MAP4K4: variants seen among roughly 807,000 people sequenced by gnomAD.
MAP4K4 encodes the protein mitogen-activated protein kinase kinase kinase kinase 4, also known as HPK/GCK-like kinase HGK.
A neutral mutation model predicts 189.6 loss-of-function variants in MAP4K4; 38 were observed. That is an observed-to-expected ratio of 0.20 (90% CI 0.15 to 0.26). The LOEUF (loss-of-function observed/expected upper bound fraction) is 0.26, where lower values mean the gene tolerates loss of function less well. Ranked by LOEUF, MAP4K4 falls within the 10% of genes least tolerant of loss-of-function variation. The pLI is 1.00. For missense variants in MAP4K4, 1,054 were observed against 1,726.9 expected (o/e 0.61, Z 6.91); for synonymous variants, 610 against 624.3 (o/e 0.98, Z 0.34).
intron 2 of MAP4K4, among the ~76,000 whole-genome samples, chr2:101,736,108 G>A (rs991735940): frequency 6.6e-6 from 1 of 152,212 alleles, no homozygotes; most frequent in Non-Finnish European, 1.5e-5. Flanking sequence ...GCTGCAGTCA[G>A]AATTGCTTCC....
At chr2:101,822,572 AATG>A (rs778138054) in intron 3 of MAP4K4, among the ~76,000 whole-genome samples, 16 of 152,236 alleles carry the variant, frequency 1.1e-4, no homozygotes, top group Non-Finnish European at 1.9e-4. Flanking sequence ...ATATCTAATT[AATG>A]ATGTTGCAGC....
At chr2:101,832,590 G>A (rs1254777837) in intron 7 of MAP4K4, among the ~76,000 whole-genome samples, 1 of 152,038 alleles carries the variant, frequency 6.6e-6, no homozygotes, top group Non-Finnish European at 1.5e-5. Context: ...ATAGATAACC[G>A]ACTTTGTGAC....
Position 101,891,154 on chromosome 2 carries a change from T to C in MAP4K4, c.4072-12T>C, listed in dbSNP as rs965550659. 50 of 1,611,584 alleles carry C rather than the reference T, an allele frequency of 3.1e-5. No homozygotes were observed. The highest frequency in any genetic ancestry group is 4.2e-5 in the Non-Finnish European group (50 of 1,177,716). Reference sequence around the variant, plus strand: ...CATGGTAACCATTCCCTCTCTTTTCTTGCTTTTGCAGGTGTTCTTTGCCTC... The same window carrying C: ...CATGGTAACCATTCCCTCTCTTTTCCTGCTTTTGCAGGTGTTCTTTGCCTC... On this transcript the variant is annotated splice_polypyrimidine_tract_variant and intron_variant, in intron 32 of 32. Transcript: ENST00000324219.
intron 12 of MAP4K4, among the ~76,000 whole-genome samples, chr2:101,852,508 G>C (rs192148662): frequency 1.3e-5 from 2 of 152,000 alleles, no homozygotes; most frequent in Non-Finnish European, 2.9e-5. Context: ...GTAACCAAAG[G>C]TATAGTAGTA....
intron 28 of MAP4K4, 38 bp from the exon 29 acceptor site, chr2:101,885,149 C>A: frequency 1.7e-6 from 2 of 1,176,964 alleles, no homozygotes; most frequent in Non-Finnish European, 2.5e-6. Flanking sequence ...TTGATACTGA[C>A]CTGTGCTTCT....
At chr2:101,801,122 A>G (rs1336439158) in intron 3 of MAP4K4, among the ~76,000 whole-genome samples, 1 of 151,716 alleles carries the variant, frequency 6.6e-6, no homozygotes, top group East Asian at 1.9e-4. Context: ...CTCTTTCTTT[A>G]TTCCTTTCAG....
exon 33 of MAP4K4, chr2:101,893,406 T>C: frequency 2.8e-6 from 1 of 362,132 alleles, no homozygotes; most frequent in Non-Finnish European, 5.5e-6. Flanking sequence ...ATCCTACCTT[T>C]AAAGGGATTT....
intron 2 of MAP4K4, among the ~76,000 whole-genome samples, chr2:101,700,685 T>G (rs1171568966): frequency 6.6e-6 from 1 of 152,186 alleles, no homozygotes; most frequent in East Asian, 1.9e-4. Flanking sequence ...AGAATGTTTC[T>G]TTTTTACACA....
At chr2:101,873,682 A>G (rs770736627) in exon 25 of MAP4K4, 17 of 1,612,692 alleles carry the variant, frequency 1.1e-5, no homozygotes, top group Admixed American at 1.7e-5. Context: ...AGAAACACAA[A>G]TCTTCCTCCT....
chr2:101,803,512 CT>C (rs1434202226), intron 3 of MAP4K4, among the ~76,000 whole-genome samples: 1 of 151,808 alleles, frequency 6.6e-6, no homozygotes, highest in Non-Finnish European at 1.5e-5. Flanking sequence ...CACCCCTGCC[CT>C]TTTTTTTGCC....
At chr2:101,791,938 C>A (rs1198901256) in intron 3 of MAP4K4, among the ~76,000 whole-genome samples, 1 of 152,098 alleles carries the variant, frequency 6.6e-6, no homozygotes, top group African/African-American at 2.4e-5. Flanking sequence ...GTTGAATGGC[C>A]AAAAGATTCT....
intron 3 of MAP4K4, among the ~76,000 whole-genome samples, chr2:101,816,017 T>C (rs1173229995): frequency 1.3e-5 from 2 of 152,222 alleles, no homozygotes; most frequent in East Asian, 1.9e-4. Flanking sequence ...CTGCAGCGGC[T>C]GTGGCCTCCC....
At chr2:101,845,057 A>AAGGAAGG (rs1331220245) in intron 12 of MAP4K4, among the ~76,000 whole-genome samples, 2 of 152,164 alleles carry the variant, frequency 1.3e-5, no homozygotes, top group African/African-American at 2.4e-5. Flanking sequence ...TATTGCCTGC[A>AAGGAAGG]ACCACCTAAG....
chr2:101,755,934 T>TC (rs1558753372), intron 2 of MAP4K4, among the ~76,000 whole-genome samples: 1 of 120,594 alleles, frequency 8.3e-6, no homozygotes, highest in East Asian at 2.3e-4. Flanking sequence ...TTTTTCTTTT[T>TC]TTTTTTTTTT....
In MAP4K4 at chr2:101,828,343, C is replaced by T. The variant is rs190067891; in HGVS notation, c.418-1161C>T. ...AAGTTAGCTTTTGTGTCTCTCCTTT[C>T]GCTGTTTGAAGTTATACCAAGCTGA... On this transcript the variant is annotated intron_variant, in intron 5 of 32. Coordinates refer to ENST00000324219, the Ensembl canonical transcript of MAP4K4. 1.6e-4 allele frequency among the ~76,000 whole-genome samples: 24 copies of T among 152,306 alleles called. 1 individual carries two copies. Among genetic ancestry groups the T allele is most frequent in the Non-Finnish European group, 2.4e-4 (16 of 68,020 alleles).
chr2:101,764,799 A>C (rs2077890918), intron 2 of MAP4K4, among the ~76,000 whole-genome samples: 1 of 152,152 alleles, frequency 6.6e-6, no homozygotes, highest in Non-Finnish European at 1.5e-5. Context: ...CTTTTTGTGA[A>C]TATTTCCCTT....
At chr2:101,801,153 A>G (rs976897256) in intron 3 of MAP4K4, among the ~76,000 whole-genome samples, 1 of 152,120 alleles carries the variant, frequency 6.6e-6, no homozygotes, top group African/African-American at 2.4e-5. Flanking sequence ...CTGTACATGC[A>G]AAGTTTTGTT....
Position 101,777,736 on chromosome 2 carries a change from C to A in MAP4K4, c.124-12984C>A, listed in dbSNP as rs114824097. Reference sequence around the variant, plus strand: ...TGTATTGCTTGATTTTGCTTATATACCCCTTCAAGAACTAGAGCACAGATT... The same window carrying A: ...TGTATTGCTTGATTTTGCTTATATAACCCTTCAAGAACTAGAGCACAGATT... On this transcript the variant is annotated intron_variant, in intron 2 of 32. Transcript: ENST00000324219. Among the ~76,000 whole-genome samples the A allele has an allele frequency of 4.7e-3, 720 of 152,276 alleles. 5 individuals carry two copies. Among genetic ancestry groups the A allele is most frequent in the African/African-American group, 0.017 (688 of 41,550 alleles).
intron 3 of MAP4K4, among the ~76,000 whole-genome samples, chr2:101,802,342 ACAAAGT>A (rs1247457299): frequency 6.6e-6 from 1 of 152,172 alleles, no homozygotes; most frequent in Non-Finnish European, 1.5e-5. Flanking sequence ...AGCTTGGGAA[ACAAAGT>A]CAGAATAGAG....
Sources: allele counts gnomAD v4.1 joint callset (sites outside exome capture counted in the v4.1 genomes callset), GRCh38; gene constraint gnomAD v4.1.1; transcripts MANE v1.5; gene names NCBI Gene and HGNC (gene_info 2026-07-23, HGNC 2026-07-21).